NUDCD1: variants seen among roughly 807,000 people sequenced by gnomAD.
The protein encoded by NUDCD1 is NudC domain containing 1.
Under a neutral mutation model 67.8 loss-of-function variants are expected in NUDCD1, and 60 were observed. That is an observed-to-expected ratio of 0.88 (90% CI 0.72 to 1.10). NUDCD1 has a LOEUF of 1.10. NUDCD1 is among the 50% of genes least tolerant of loss of function. The probability of loss-of-function intolerance (pLI) is 0.00; values close to 1 mark genes in which losing one functional copy is unlikely to be tolerated. For missense variants in NUDCD1, 643 were observed against 695.0 expected (o/e 0.93, Z 0.84); for synonymous variants, 244 against 230.8 (o/e 1.06, Z -0.52).
Position 109,243,251 on chromosome 8 carries a change from T to G in NUDCD1, c.1510A>C (p.Asn504His), listed in dbSNP as rs755018748. The change falls in exon 10 of 10, where the codon AAT becomes CAT. Residue 504 changes from asparagine to histidine, a missense_variant. Asn to His is a moderately conservative substitution (Grantham distance 68). Coordinates refer to ENST00000239690, the MANE Select transcript of NUDCD1 (RefSeq NM_032869.4). ...TCACAAAGGGCTGCATACGAGTAATTTGGAGCACAGGCAAAAAATTTTTTG... is the reference window on the plus strand; with the variant it reads ...TCACAAAGGGCTGCATACGAGTAATGTGGAGCACAGGCAAAAAATTTTTTG... ...RDKKFFACAP[N>H]YSYAALCECL... The G allele has an allele frequency of 1.2e-5, 20 of 1,606,896 alleles. No individual in the cohort carries two copies. The highest frequency in any genetic ancestry group is 1.6e-5 in the Non-Finnish European group (19 of 1,174,906).
At chr8:109,312,163 G>T (rs762227420) in intron 2 of NUDCD1, among the ~76,000 whole-genome samples, 1 of 151,904 alleles carries the variant, frequency 6.6e-6, no homozygotes, top group East Asian at 1.9e-4. Context: ...TTAGACAGGT[G>T]TGGTGGCAGG....
At chr8:109,309,945 G>C (rs1815203491) in intron 2 of NUDCD1, among the ~76,000 whole-genome samples, 2 of 150,990 alleles carry the variant, frequency 1.3e-5, no homozygotes. Flanking sequence ...ACCTATACAA[G>C]GAAAACTACA....
At chr8:109,310,098 C>G (rs1045029654) in intron 2 of NUDCD1, among the ~76,000 whole-genome samples, 1 of 152,050 alleles carries the variant, frequency 6.6e-6, no homozygotes, top group Non-Finnish European at 1.5e-5. Flanking sequence ...AATACCACCA[C>G]CATTCTTCAC....
chr8:109,309,375 A>G (rs749192172), intron 2 of NUDCD1, among the ~76,000 whole-genome samples: 3 of 152,228 alleles, frequency 2.0e-5, no homozygotes, highest in Non-Finnish European at 4.4e-5. Context: ...GATCATCTCA[A>G]TAGATGCAGA....
At chr8:109,246,031 A>T (rs2129856375) in intron 8 of NUDCD1, among the ~76,000 whole-genome samples, 1 of 152,300 alleles carries the variant, frequency 6.6e-6, no homozygotes, top group East Asian at 1.9e-4. Context: ...TGTCTGCCTT[A>T]TGAGAATCTA....
At chr8:109,265,429 A>G (rs1187603054) in intron 8 of NUDCD1, among the ~76,000 whole-genome samples, 1 of 152,190 alleles carries the variant, frequency 6.6e-6, no homozygotes, top group East Asian at 1.9e-4. Flanking sequence ...ACTATTATAA[A>G]TGCTCTAATA....
intron 5 of NUDCD1, among the ~76,000 whole-genome samples, chr8:109,283,575 A>G (rs561183560): frequency 1.2e-4 from 19 of 152,358 alleles, no homozygotes; most frequent in African/African-American, 4.6e-4. Flanking sequence ...TTAGGCTAAC[A>G]GCAGACTTCT....
intron 3 of NUDCD1, among the ~76,000 whole-genome samples, chr8:109,295,684 C>G (rs1814827429): frequency 1.3e-5 from 2 of 151,996 alleles, no homozygotes; most frequent in Admixed American, 1.3e-4. Flanking sequence ...TTACCCAGAA[C>G]TAAAGGCTAC....
intron 1 of NUDCD1, chr8:109,329,952 AT>A (rs1479466574): frequency 1.4e-5 from 21 of 1,459,662 alleles, no homozygotes; most frequent in Admixed American, 2.6e-5. Flanking sequence ...ATGGCAACGC[AT>A]AATACAGATT....
At chr8:109,295,276 C>T (rs1814816721) in intron 3 of NUDCD1, among the ~76,000 whole-genome samples, 1 of 151,864 alleles carries the variant, frequency 6.6e-6, no homozygotes, top group South Asian at 2.1e-4. Context: ...AGATAAATTC[C>T]CACTCATATC....
rs776556385 is a variant in NUDCD1, at chr8:109,333,982, C to T, written c.29G>A (p.Arg10Gln). MEVAANCSLRVKRPLLDPRF... is the reference protein window; with the variant it reads MEVAANCSLQVKRPLLDPRF... ...GGGATCCAACAGAGGTCTCTTCACCCGTAGGGAGCAATTAGCCGCCACCTC... is the reference window on the plus strand; with the variant it reads ...GGGATCCAACAGAGGTCTCTTCACCTGTAGGGAGCAATTAGCCGCCACCTC... Residue 10 changes from arginine to glutamine, a missense_variant, in exon 1 of 10, where the codon CGG (arginine) becomes CAG (glutamine). By Grantham distance (43) the Arg-to-Gln change is conservative. Coordinates refer to ENST00000239690, the MANE Select transcript of NUDCD1 (RefSeq NM_032869.4). The T allele has an allele frequency of 6.2e-7, 1 of 1,614,138 alleles. No individual in the cohort carries two copies. Among genetic ancestry groups the T allele is most frequent in the Admixed American group, 1.7e-5 (1 of 60,030 alleles).
At chr8:109,262,990 G>T (rs1813901306) in intron 8 of NUDCD1, among the ~76,000 whole-genome samples, 1 of 141,108 alleles carries the variant, frequency 7.1e-6, no homozygotes, top group South Asian at 2.3e-4. Context: ...GGGAGGCAAA[G>T]GTTGCAGTGA....
chr8:109,285,716 G>C (rs1050518036), intron 5 of NUDCD1, among the ~76,000 whole-genome samples: 5 of 151,988 alleles, frequency 3.3e-5, no homozygotes, highest in African/African-American at 7.2e-5. Context: ...ATACTGAACA[G>C]GCAAAAACGA....
At chr8:109,262,133 A>G (rs191560459) in intron 8 of NUDCD1, among the ~76,000 whole-genome samples, 1 of 152,322 alleles carries the variant, frequency 6.6e-6, no homozygotes, top group Admixed American at 6.5e-5. Context: ...AAATACTTGT[A>G]TATGTGGTTT....
chr8:109,324,185 T>A (rs1160158510), intron 1 of NUDCD1, among the ~76,000 whole-genome samples: 1 of 150,960 alleles, frequency 6.6e-6, no homozygotes, highest in South Asian at 2.1e-4. Flanking sequence ...GGAATGAAAA[T>A]TTTTTTTGCT....
At chr8:109,302,504 G>A (rs1322750544) in intron 2 of NUDCD1, among the ~76,000 whole-genome samples, 1 of 151,966 alleles carries the variant, frequency 6.6e-6, no homozygotes, top group Non-Finnish European at 1.5e-5. Context: ...GCCAGGCCAA[G>A]CCAGGTCCCA....
intron 4 of NUDCD1, 22 bp downstream of exon 4, chr8:109,293,322 C>A (rs781646184): frequency 2.2e-6 from 3 of 1,386,314 alleles, no homozygotes; most frequent in Non-Finnish European, 3.0e-6. Context: ...CCAGTAGAGA[C>A]AGATTCAGAC....
rs1454124661 is a variant in NUDCD1 at position 109,243,128 on chromosome 8, G to T, written c.1633C>A (p.Gln545Lys). The T allele has an allele frequency of 2.5e-6, 4 of 1,613,736 alleles. No individual in the cohort carries two copies. Among genetic ancestry groups the T allele is most frequent in the Admixed American group, 3.3e-5 (2 of 59,992 alleles). The stretch of plus-strand genomic sequence containing the variant: ...TTGGTTTCTAGGCTTGCTACTTGCT[G>T]CTTAGCAACCTGTCCTACTTGCCTG... ...EGRQVGQVAKQQVASLETNDP... is the reference protein window; with the variant it reads ...EGRQVGQVAKKQVASLETNDP... The change falls in exon 10 of 10, where the codon CAG (glutamine) becomes AAG (lysine). Residue 545 changes from glutamine (Q) to lysine (K), a missense_variant. Coordinates refer to ENST00000239690, the MANE Select transcript of NUDCD1 (RefSeq NM_032869.4).
chr8:109,307,744 C>T (rs1169364028), intron 2 of NUDCD1, among the ~76,000 whole-genome samples: 2 of 152,030 alleles, frequency 1.3e-5, no homozygotes, highest in Admixed American at 1.3e-4. Context: ...AAGAGACTCA[C>T]GATTCACATA....
Sources: allele counts gnomAD v4.1 joint callset (sites outside exome capture counted in the v4.1 genomes callset), GRCh38; gene constraint gnomAD v4.1.1; transcripts MANE v1.5; gene names NCBI Gene and HGNC (gene_info 2026-07-23, HGNC 2026-07-21).